The following SAMSN1 variants were observed in gnomAD, a reference collection of about 807,000 sequenced individuals.
SAMSN1 encodes SAM domain-containing protein SAMSN-1.
Under a neutral mutation model 42.0 loss-of-function variants are expected in SAMSN1, and 31 were observed. That is an observed-to-expected ratio of 0.74 (90% CI 0.55 to 1.00). The LOEUF (loss-of-function observed/expected upper bound fraction) is 1.00. Ranked by LOEUF, SAMSN1 falls within the 50% of genes least tolerant of loss-of-function variation. SAMSN1 has a pLI of 0.00. For synonymous variants in SAMSN1, 178 were observed against 151.9 expected (o/e 1.17, Z -1.26); for missense variants, 464 against 439.4 (o/e 1.06, Z -0.50).
intron 1 of SAMSN1, among the ~76,000 whole-genome samples, chr21:14,535,555 G>A (rs898039334): frequency 6.6e-6 from 1 of 152,162 alleles, no homozygotes; most frequent in Non-Finnish European, 1.5e-5. Context: ...TATGTTTGAA[G>A]CCCTAACACC....
At chr21:14,597,524 A>G (rs1053120044) in intron 6 of SAMSN1, among the ~76,000 whole-genome samples, 1 of 152,206 alleles carries the variant, frequency 6.6e-6, no homozygotes, top group African/African-American at 2.4e-5. Context: ...GAGTCTAGAC[A>G]CTGTTTAACT....
At chr21:14,522,992 C>T (rs1234061365) in intron 1 of SAMSN1, among the ~76,000 whole-genome samples, 2 of 152,138 alleles carry the variant, frequency 1.3e-5, no homozygotes, top group Non-Finnish European at 2.9e-5. Context: ...TGGGGGGAAA[C>T]CCACACATAA....
At chr21:14,642,617 G>T (rs1156861175) in intron 2 of SAMSN1, among the ~76,000 whole-genome samples, 1 of 152,270 alleles carries the variant, frequency 6.6e-6, no homozygotes, top group South Asian at 2.1e-4. Flanking sequence ...CACCTGATTT[G>T]CCAGAAACTA....
At chr21:14,503,423 G>A (rs561507279) in intron 5 of SAMSN1, among the ~76,000 whole-genome samples, 1 of 152,124 alleles carries the variant, frequency 6.6e-6, no homozygotes, top group Non-Finnish European at 1.5e-5. Context: ...AAAAGCCAGT[G>A]AACTCAGAAG....
chr21:14,620,336 A>T (rs1315029324), intron 2 of SAMSN1, among the ~76,000 whole-genome samples: 1 of 151,920 alleles, frequency 6.6e-6, no homozygotes, highest in Non-Finnish European at 1.5e-5. Flanking sequence ...TTCTTACGAG[A>T]TGTGATGGTT....
At chr21:14,607,928 G>A (rs560211829) in intron 5 of SAMSN1, among the ~76,000 whole-genome samples, 26 of 152,280 alleles carry the variant, frequency 1.7e-4, no homozygotes, top group East Asian at 5.8e-4. Flanking sequence ...ATGGAATGGC[G>A]GATGAATAGA....
At chr21:14,511,068 C>G (rs1416317900) in intron 4 of SAMSN1, among the ~76,000 whole-genome samples, 1 of 152,128 alleles carries the variant, frequency 6.6e-6, no homozygotes, top group East Asian at 1.9e-4. Flanking sequence ...AAGAATGGCT[C>G]CCAGTGGAAG....
chr21:14,608,300 G>C (rs1480257885), intron 5 of SAMSN1, among the ~76,000 whole-genome samples: 6 of 152,180 alleles, frequency 3.9e-5, no homozygotes, highest in African/African-American at 1.4e-4. Flanking sequence ...GAATATTTGT[G>C]CTTGGGGAAG....
chr21:14,582,449 G>T (rs1383513382), exon 2 of SAMSN1: 5 of 1,493,588 alleles, frequency 3.3e-6, no homozygotes, highest in East Asian at 2.5e-5. Flanking sequence ...TCGGGACTTG[G>T]TTAATTTCAA....
Position 14,608,362 on chromosome 21 carries a change from C to T in SAMSN1, c.322+1120G>A, listed in dbSNP as rs139698663. Among the ~76,000 whole-genome samples, 672 of 152,288 alleles carry T rather than the reference C, an allele frequency of 4.4e-3. 8 individuals carry two copies. The highest frequency in any genetic ancestry group is 5.1e-3 in the Non-Finnish European group (345 of 68,014). On this transcript the variant is annotated intron_variant, in intron 5 of 15. Transcript: ENST00000647101. ...GCATTGACCTCAGTGCTGTTTCTCACAGTGGAAAGCAACACAGGGCAAAAT... is the reference window on the plus strand; with the variant it reads ...GCATTGACCTCAGTGCTGTTTCTCATAGTGGAAAGCAACACAGGGCAAAAT...
intron 5 of SAMSN1, among the ~76,000 whole-genome samples, chr21:14,509,396 T>C (rs184063148): frequency 6.6e-6 from 1 of 152,298 alleles, no homozygotes; most frequent in African/African-American, 2.4e-5. Flanking sequence ...CTTTGGGGAC[T>C]TGGGGAAAGG....
At chr21:14,502,526 A>T (rs1233969564) in intron 5 of SAMSN1, among the ~76,000 whole-genome samples, 1 of 152,158 alleles carries the variant, frequency 6.6e-6, no homozygotes, top group African/African-American at 2.4e-5. Context: ...TTCAATTTTC[A>T]TGGGTAACTG....
intron 2 of SAMSN1, among the ~76,000 whole-genome samples, chr21:14,572,816 A>T (rs748552387): frequency 7.2e-5 from 11 of 152,306 alleles, no homozygotes; most frequent in Non-Finnish European, 1.5e-4. Flanking sequence ...AAGTAAAGGT[A>T]AGTTACTAGC....
chr21:14,516,356 A>C (rs1184875153), intron 3 of SAMSN1, among the ~76,000 whole-genome samples: 1 of 152,172 alleles, frequency 6.6e-6, no homozygotes, highest in African/African-American at 2.4e-5. Flanking sequence ...TGTTCTTCAC[A>C]TTGTTCTTCG....
At chr21:14,523,691 T>A (rs2822725) in intron 1 of SAMSN1, among the ~76,000 whole-genome samples, 1 of 152,008 alleles carries the variant, frequency 6.6e-6, no homozygotes, top group African/African-American at 2.4e-5. Context: ...TTGTAGCCTA[T>A]ATATAGCCTG....
intron 1 of SAMSN1, among the ~76,000 whole-genome samples, chr21:14,524,288 T>G (rs1010923785): frequency 1.3e-5 from 2 of 152,182 alleles, no homozygotes; most frequent in African/African-American, 4.8e-5. Flanking sequence ...GATAATGTTG[T>G]TTATATAATT....
At chr21:14,605,472 T>C (rs1462295315) in intron 5 of SAMSN1, among the ~76,000 whole-genome samples, 1 of 152,216 alleles carries the variant, frequency 6.6e-6, no homozygotes, top group African/African-American at 2.4e-5. Context: ...AACAAGTTTT[T>C]CTAAAATTAA....
intron 1 of SAMSN1, among the ~76,000 whole-genome samples, chr21:14,644,340 T>A (rs550691159): frequency 1.3e-5 from 2 of 151,388 alleles, no homozygotes; most frequent in East Asian, 2.0e-4. Context: ...AGCCATAGCA[T>A]AATAGGGCAC....
chr21:14,577,236 G>GTATATATATATATATATATATA (rs1472311400), intron 2 of SAMSN1, among the ~76,000 whole-genome samples: 1 of 30,852 alleles, frequency 3.2e-5, no homozygotes, highest in Non-Finnish European at 5.5e-5. Flanking sequence ...ATATATATGT[G>GTATATATATATATATATATATA]TGTATATATA....
Sources: gnomAD v4.1 joint callset for allele counts (sites outside exome capture counted in the v4.1 genomes callset) on GRCh38, gnomAD v4.1.1 for gene constraint, MANE v1.5 for transcripts, NCBI Gene and HGNC (gene_info 2026-07-23, HGNC 2026-07-21) for gene names.